The following SGPP1 variants were observed in gnomAD, a reference collection of about 807,000 sequenced individuals.
The protein encoded by SGPP1 is hSPP1.
In SGPP1, 21 loss-of-function variants were observed where a neutral mutation model predicts 33.0. That is an observed-to-expected ratio of 0.64 (90% CI 0.45 to 0.92). The LOEUF (loss-of-function observed/expected upper bound fraction) is 0.92, where lower values mean the gene tolerates loss of function less well. Ranked by LOEUF, SGPP1 falls within the 40% of genes least tolerant of loss-of-function variation. The probability of loss-of-function intolerance (pLI) is 0.00; values close to 1 mark genes in which losing one functional copy is unlikely to be tolerated. For missense variants in SGPP1, 543 were observed against 589.4 expected, an observed-to-expected ratio of 0.92 and a Z score of 0.81; for synonymous variants, 239 against 241.2, an observed-to-expected ratio of 0.99 and a Z score of 0.08.
chr14:63,724,950 G>A (rs2139657700), intron 1 of SGPP1, among the ~76,000 whole-genome samples: 1 of 150,756 alleles, frequency 6.6e-6, no homozygotes, highest in East Asian at 2.0e-4. Context: ...CCAGGAGTTC[G>A]AGACCAGCCT....
intron 1 of SGPP1, among the ~76,000 whole-genome samples, chr14:63,718,733 C>T (rs1163942573): frequency 3.3e-5 from 5 of 150,210 alleles, no homozygotes; most frequent in African/African-American, 1.2e-4. Context: ...TACTAGGTAC[C>T]CATAGCAATA....
At chr14:63,720,340 A>AGGAT (rs1211498991) in intron 1 of SGPP1, among the ~76,000 whole-genome samples, 1 of 152,052 alleles carries the variant, frequency 6.6e-6, no homozygotes, top group Non-Finnish European at 1.5e-5. Context: ...AAGGAAAAGA[A>AGGAT]GGATGGATGG....
At chr14:63,699,960 T>C (rs1885262160) in intron 1 of SGPP1, among the ~76,000 whole-genome samples, 2 of 152,014 alleles carry the variant, frequency 1.3e-5, no homozygotes, top group African/African-American at 4.8e-5. Flanking sequence ...TTACTGACAG[T>C]CTTACCTTTT....
chr14:63,711,931 G>A (rs1885530991), intron 1 of SGPP1, among the ~76,000 whole-genome samples: 1 of 151,556 alleles, frequency 6.6e-6, no homozygotes, highest in Non-Finnish European at 1.5e-5. Flanking sequence ...TGGGGAGGCT[G>A]AGGCAGGAGA....
At chr14:63,693,364 G>A (rs973176938) in intron 2 of SGPP1, among the ~76,000 whole-genome samples, 1 of 152,122 alleles carries the variant, frequency 6.6e-6, no homozygotes, top group Non-Finnish European at 1.5e-5. Flanking sequence ...AATACCCATA[G>A]GATTTTGGCT....
At chr14:63,723,534 C>T (rs1198833100) in intron 1 of SGPP1, among the ~76,000 whole-genome samples, 1 of 152,048 alleles carries the variant, frequency 6.6e-6, no homozygotes, top group Non-Finnish European at 1.5e-5. Flanking sequence ...TCCTGGCCAA[C>T]ATGGTGAAAC....
intron 1 of SGPP1, among the ~76,000 whole-genome samples, chr14:63,723,869 C>G (rs1401579937): frequency 6.6e-6 from 1 of 151,998 alleles, no homozygotes; most frequent in Non-Finnish European, 1.5e-5. Flanking sequence ...TAAACAACCC[C>G]GAGTTTGTAC....
chr14:63,708,889 T>A (rs939409339), intron 1 of SGPP1, among the ~76,000 whole-genome samples: 4 of 152,228 alleles, frequency 2.6e-5, no homozygotes, highest in Non-Finnish European at 4.4e-5. Flanking sequence ...GCACAGGAAG[T>A]CTGATTCCTG....
chr14:63,726,557 C>G (rs766781659), intron 1 of SGPP1, among the ~76,000 whole-genome samples: 1 of 152,092 alleles, frequency 6.6e-6, no homozygotes, highest in Non-Finnish European at 1.5e-5. Flanking sequence ...AACTTTTAAA[C>G]CATGCATTTT....
At chr14:63,707,320 T>TA (rs1566822006) in intron 1 of SGPP1, among the ~76,000 whole-genome samples, 1 of 152,006 alleles carries the variant, frequency 6.6e-6, no homozygotes, top group Admixed American at 6.6e-5. Flanking sequence ...AATCTTACGT[T>TA]AAAAAAACAG....
intron 1 of SGPP1, among the ~76,000 whole-genome samples, chr14:63,704,879 ACTTT>A (rs1158248937): frequency 6.6e-6 from 1 of 152,178 alleles, no homozygotes; most frequent in Non-Finnish European, 1.5e-5. Flanking sequence ...TAATCTCAGC[ACTTT>A]GGGAAGCCTA....
At chr14:63,707,074 T>C (rs1378239966) in intron 1 of SGPP1, among the ~76,000 whole-genome samples, 2 of 146,126 alleles carry the variant, frequency 1.4e-5, no homozygotes, top group Admixed American at 6.8e-5. Context: ...GACCCATATA[T>C]AATCATTTAA....
chr14:63,712,155 A>T (rs1490514579), intron 1 of SGPP1, among the ~76,000 whole-genome samples: 1 of 152,152 alleles, frequency 6.6e-6, no homozygotes, highest in Non-Finnish European at 1.5e-5. Context: ...CTATTTTCAA[A>T]TTGTAAGGAA....
intron 2 of SGPP1, among the ~76,000 whole-genome samples, chr14:63,688,416 CAG>C (rs1228883470): frequency 3.3e-5 from 5 of 150,548 alleles, no homozygotes; most frequent in Admixed American, 3.3e-4. Context: ...AGAGAGGAAT[CAG>C]AGACGGTTCC....
At chr14:63,704,863 G>C (rs1885372709) in intron 1 of SGPP1, among the ~76,000 whole-genome samples, 1 of 152,084 alleles carries the variant, frequency 6.6e-6, no homozygotes, top group Non-Finnish European at 1.5e-5. Context: ...TGGCGGCTCA[G>C]GCCTGTAATC....
At chr14:63,726,661 T>A (rs566874094) in intron 1 of SGPP1, among the ~76,000 whole-genome samples, 1 of 152,296 alleles carries the variant, frequency 6.6e-6, no homozygotes, top group East Asian at 1.9e-4. Flanking sequence ...TAATCAAACT[T>A]TATCAGCAAA....
chr14:63,719,750 GAATT>G (rs1885730378), intron 1 of SGPP1, among the ~76,000 whole-genome samples: 1 of 150,702 alleles, frequency 6.6e-6, no homozygotes, highest in South Asian at 2.1e-4. Context: ...TATATATATA[GAATT>G]AATTTATGTA....
At chr14:63,692,774 G>C (rs866808786) in intron 2 of SGPP1, among the ~76,000 whole-genome samples, 1 of 151,774 alleles carries the variant, frequency 6.6e-6, no homozygotes, top group African/African-American at 2.4e-5. Flanking sequence ...TTTTGAACAG[G>C]ATGTCTTCCG....
intron 1 of SGPP1, among the ~76,000 whole-genome samples, chr14:63,713,964 G>A (rs1885571800): frequency 6.6e-6 from 1 of 152,180 alleles, no homozygotes; most frequent in Non-Finnish European, 1.5e-5. Context: ...CTAATCTGCA[G>A]GAGGCCCAGA....
Sources: allele counts gnomAD v4.1 joint callset (sites outside exome capture counted in the v4.1 genomes callset), GRCh38; gene constraint gnomAD v4.1.1; transcripts MANE v1.5; gene names NCBI Gene and HGNC (gene_info 2026-07-23, HGNC 2026-07-21).